Variants in GNG7 observed in about 807,000 individuals in gnomAD.
GNG7 encodes G protein subunit gamma 7, also known as guanine nucleotide-binding protein G(I)/G(S)/G(O) subunit gamma-7.
In GNG7, 1 loss-of-function variant was observed where a neutral mutation model predicts 4.0. The observed-to-expected ratio is 0.25, with a 90% CI of 0.09 to 1.18. The LOEUF (loss-of-function observed/expected upper bound fraction) is 1.18, where lower values mean the gene tolerates loss of function less well. GNG7 is among the 50% of genes most tolerant of loss of function. The pLI is 0.50. For synonymous variants in GNG7, 34 were observed against 36.9 expected, an observed-to-expected ratio of 0.92 and a Z score of 0.29; for missense variants, 86 against 91.9, an observed-to-expected ratio of 0.94 and a Z score of 0.26.
Position 2,653,681 on chromosome 19 carries a change from T to A in GNG7, c.-134-7401A>T, listed in dbSNP as rs1982888678. 6.6e-6 allele frequency among the ~76,000 whole-genome samples: 1 copy of A among 152,146 alleles called. No individual in the cohort carries two copies. Among genetic ancestry groups the A allele is most frequent in the Non-Finnish European group, 1.5e-5 (1 of 68,002 alleles). ...GCGTCCCTGGCCTCCACCCACCCCATGCCAGGGGCATCCCCCATCTAGAGC... is the reference window on the plus strand; with the variant it reads ...GCGTCCCTGGCCTCCACCCACCCCAAGCCAGGGGCATCCCCCATCTAGAGC... On this transcript the variant is annotated intron_variant, in intron 1 of 4. Coordinates refer to ENST00000382159, the MANE Select transcript of GNG7 (RefSeq NM_052847.3). This position sits in a 1 kb window ranked among gnomAD's most constrained non-coding sequence, Gnocchi z 4.8.
chr19:2,562,207 C>T (rs907737912), intron 2 of GNG7, among the ~76,000 whole-genome samples: 1 of 152,120 alleles, frequency 6.6e-6, no homozygotes, highest in Non-Finnish European at 1.5e-5. Context: ...ACCGCAGCCC[C>T]GGAGCTGCCG....
intron 2 of GNG7, among the ~76,000 whole-genome samples, chr19:2,594,092 CG>C (rs572853158): frequency 6.6e-6 from 1 of 151,964 alleles, no homozygotes; most frequent in Non-Finnish European, 1.5e-5. Flanking sequence ...AAATCAAGGC[CG>C]GGCACAGTGG....
chr19:2,552,433 G>A (rs1568240484), intron 3 of GNG7, among the ~76,000 whole-genome samples: 1 of 152,084 alleles, frequency 6.6e-6, no homozygotes, highest in Non-Finnish European at 1.5e-5. Context: ...TGCCGAGGCT[G>A]GAGTACAATG....
At chr19:2,564,686 T>C (rs1378731418) in intron 2 of GNG7, among the ~76,000 whole-genome samples, 1 of 152,050 alleles carries the variant, frequency 6.6e-6, no homozygotes, top group Non-Finnish European at 1.5e-5. Context: ...GCCAGACTCC[T>C]AGAGCCCCCA....
At chr19:2,674,708 T>C (rs1181249881) in intron 1 of GNG7, among the ~76,000 whole-genome samples, 5 of 152,200 alleles carry the variant, frequency 3.3e-5, no homozygotes, top group Non-Finnish European at 2.9e-5. Flanking sequence ...AGTGCTGGGA[T>C]TACAGGCGTG....
Position 2,512,326 on chromosome 19 carries a change from A to C in GNG7, c.*2696T>G. ...TGCCACGTCTGCAAAGGTATTTTCCACAGTGTGGTCACTGAAGTCTACTCA... is the reference window on the plus strand; with the variant it reads ...TGCCACGTCTGCAAAGGTATTTTCCCCAGTGTGGTCACTGAAGTCTACTCA... On this transcript the variant is annotated 3_prime_UTR_variant, in exon 5 of 5. Coordinates refer to ENST00000382159, the MANE Select transcript of GNG7 (RefSeq NM_052847.3). The surrounding 1 kb of genome is among the most constrained non-coding windows in gnomAD (Gnocchi z 4.7). 1 of 985,618 alleles carries C rather than the reference A, an allele frequency of 1.0e-6. No homozygotes were observed. The highest frequency in any genetic ancestry group is 1.2e-6 in the Non-Finnish European group (1 of 829,880). 61.1% of individuals were successfully genotyped at this position (985,618 alleles called of 1,614,324 possible). A position where few individuals can be genotyped will look rare whatever the true frequency, so the allele number is the denominator to read the frequency against.
chr19:2,688,124 G>A (rs1365931849), intron 1 of GNG7, among the ~76,000 whole-genome samples: 5 of 152,150 alleles, frequency 3.3e-5, no homozygotes, highest in African/African-American at 1.2e-4. Context: ...ATGGTGGCGG[G>A]TGCCTGTAGT....
At chr19:2,678,361 TATA>T (rs904364840) in intron 1 of GNG7, among the ~76,000 whole-genome samples, 1 of 152,110 alleles carries the variant, frequency 6.6e-6, no homozygotes, top group Non-Finnish European at 1.5e-5. Flanking sequence ...TTTTCTGAAA[TATA>T]GTAGGTATTG....
intron 2 of GNG7, among the ~76,000 whole-genome samples, chr19:2,605,641 G>A (rs1448009083): frequency 6.7e-6 from 1 of 149,922 alleles, no homozygotes; most frequent in Non-Finnish European, 1.5e-5. Flanking sequence ...AGCCTCCCGA[G>A]TAGCTGGGAT....
At chr19:2,602,634 T>G (rs907034465) in intron 2 of GNG7, among the ~76,000 whole-genome samples, 1 of 152,234 alleles carries the variant, frequency 6.6e-6, no homozygotes, top group Non-Finnish European at 1.5e-5. Context: ...TACGCAATCG[T>G]CACAGCATGT....
rs1372728663 is a variant in GNG7, at chr19:2,591,452, GGT to G, written c.-77-36266_-77-36265del. On this transcript the variant is annotated intron_variant, in intron 2 of 4. Transcript: ENST00000382159. ...CTGTTTTCGTAATTTGAAAATAAAG[GGT>G]TTTTTTTTTTTTTTTTTTTTTAAGG... Among the ~76,000 whole-genome samples the G allele has an allele frequency of 8.7e-5, 8 of 91,910 alleles. No individual in the cohort carries two copies. In the East Asian group the frequency reaches 1.7e-3, roughly 20 times the overall value. 60.3% of individuals were successfully genotyped at this position (91,910 alleles called of 152,430 possible). A position where few individuals can be genotyped will look rare whatever the true frequency, so the allele number is the denominator to read the frequency against.
chr19:2,550,311 G>A (rs910126498), intron 3 of GNG7, among the ~76,000 whole-genome samples: 26 of 152,154 alleles, frequency 1.7e-4, no homozygotes, highest in African/African-American at 5.6e-4. Flanking sequence ...TCCGCCTCCC[G>A]GGTTCAAGCG....
chr19:2,637,292 G>A (rs1159878556), intron 2 of GNG7, among the ~76,000 whole-genome samples: 1 of 152,088 alleles, frequency 6.6e-6, no homozygotes, highest in African/African-American at 2.4e-5. Flanking sequence ...ATAGGAGCAG[G>A]GGATCACGGT....
chr19:2,700,391 C>T (rs1440920029), intron 1 of GNG7, among the ~76,000 whole-genome samples: 1 of 152,210 alleles, frequency 6.6e-6, no homozygotes, highest in Non-Finnish European at 1.5e-5. Flanking sequence ...GATCCACCCG[C>T]CTCGGCCTCC....
intron 1 of GNG7, chr19:2,683,758 A>C (rs72978800): frequency 0.013 from 2,007 of 152,540 alleles, 23 homozygotes; most frequent in Non-Finnish European, 0.022. Flanking sequence ...AGGGAAATTA[A>C]CTGAGCTGTG....
intron 2 of GNG7, among the ~76,000 whole-genome samples, chr19:2,638,699 C>T (rs994656938): frequency 4.2e-5 from 6 of 143,416 alleles, no homozygotes; most frequent in Non-Finnish European, 7.5e-5. Flanking sequence ...ACCCCCCAGT[C>T]GTGACAACCA....
chr19:2,604,973 G>A (rs1192935941), intron 2 of GNG7, among the ~76,000 whole-genome samples: 1 of 152,160 alleles, frequency 6.6e-6, no homozygotes, highest in African/African-American at 2.4e-5. Context: ...CAAGTCACAC[G>A]GATCTGGTGG....
At chr19:2,596,850 T>C (rs1258168321) in intron 2 of GNG7, among the ~76,000 whole-genome samples, 1 of 152,190 alleles carries the variant, frequency 6.6e-6, no homozygotes, top group Non-Finnish European at 1.5e-5. Flanking sequence ...AAATATATTC[T>C]CAACAGGGTG....
intron 1 of GNG7, among the ~76,000 whole-genome samples, chr19:2,695,460 G>A (rs1913221778): frequency 6.6e-6 from 1 of 152,148 alleles, no homozygotes; most frequent in Non-Finnish European, 1.5e-5. Flanking sequence ...CCCAGGGCCT[G>A]GCACCAGTTC....
Sources: gnomAD v4.1 joint callset for allele counts (sites outside exome capture counted in the v4.1 genomes callset) on GRCh38, gnomAD v4.1.1 for gene constraint, Gnocchi (gnomAD v3.1) non-coding constraint, MANE v1.5 for transcripts, NCBI Gene and HGNC (gene_info 2026-07-23, HGNC 2026-07-21) for gene names.